FAM163A: variants seen among roughly 807,000 people sequenced by gnomAD.
FAM163A encodes protein FAM163A.
Under a neutral mutation model 12.0 loss-of-function variants are expected in FAM163A, and 7 were observed. The ratio of observed to expected loss-of-function variants is 0.58; its 90% CI spans 0.33 to 1.10. The LOEUF (loss-of-function observed/expected upper bound fraction) is 1.10. Among genes scored for constraint, FAM163A ranks in the 50% least tolerant of loss-of-function variants. FAM163A has a pLI of 0.03. For synonymous variants in FAM163A, 101 were observed against 91.0 expected, an observed-to-expected ratio of 1.11 and a Z score of -0.62; for missense variants, 202 against 218.6, an observed-to-expected ratio of 0.92 and a Z score of 0.48.
intron 1 of FAM163A, among the ~76,000 whole-genome samples, chr1:179,790,270 C>T (rs987393381): frequency 7.8e-6 from 1 of 127,836 alleles, no homozygotes; most frequent in African/African-American, 3.4e-5. Context: ...CTTGCCACTG[C>T]AAAACTAAGA....
At chr1:179,784,043 G>C (rs980835952) in intron 1 of FAM163A, among the ~76,000 whole-genome samples, 2 of 152,054 alleles carry the variant, frequency 1.3e-5, no homozygotes, top group African/African-American at 4.8e-5. Flanking sequence ...GATTCCTGCT[G>C]CCTCTGAGGC....
chr1:179,792,585 T>G (rs1691675436), intron 1 of FAM163A, among the ~76,000 whole-genome samples: 1 of 152,152 alleles, frequency 6.6e-6, no homozygotes, highest in Non-Finnish European at 1.5e-5. Context: ...GAGTTTTACA[T>G]AGGAAGACCT....
At chr1:179,744,289 C>G (rs1173554034) in intron 1 of FAM163A, among the ~76,000 whole-genome samples, 1 of 152,024 alleles carries the variant, frequency 6.6e-6, no homozygotes, top group Non-Finnish European at 1.5e-5. Context: ...CTCAAGGCGC[C>G]GGCCACACGG....
chr1:179,767,802 TC>T (rs1687712284), intron 1 of FAM163A, among the ~76,000 whole-genome samples: 1 of 151,998 alleles, frequency 6.6e-6, no homozygotes, highest in Admixed American at 6.6e-5. Flanking sequence ...GCCCTCTAAT[TC>T]CTATAGCCAG....
intron 1 of FAM163A, among the ~76,000 whole-genome samples, chr1:179,753,270 G>C (rs1246585554): frequency 6.6e-6 from 1 of 152,204 alleles, no homozygotes; most frequent in African/African-American, 2.4e-5. Flanking sequence ...AGTCACCACA[G>C]AAACAGAGAG....
the FAM163A span, among the ~76,000 whole-genome samples, chr1:179,730,618 A>T: frequency 0.012 from 1,825 of 152,300 alleles, 37 homozygotes; most frequent in African/African-American, 0.042. Flanking sequence ...GAAAATACTA[A>T]CTGCTCAGCT....
intron 1 of FAM163A, among the ~76,000 whole-genome samples, chr1:179,759,790 C>G (rs1331166812): frequency 6.6e-6 from 1 of 152,040 alleles, no homozygotes; most frequent in Non-Finnish European, 1.5e-5. Context: ...CCTCAGCCTC[C>G]CGAGTAGCTG....
At chr1:179,781,933 C>CAAA (rs58962319) in intron 1 of FAM163A, among the ~76,000 whole-genome samples, 37 of 119,388 alleles carry the variant, frequency 3.1e-4, no homozygotes, top group African/African-American at 6.5e-4. Context: ...GAATCCGTAT[C>CAAA]AAAAAAAAAA....
chr1:179,762,985 A>C (rs1017270689), intron 1 of FAM163A, among the ~76,000 whole-genome samples: 4 of 152,212 alleles, frequency 2.6e-5, no homozygotes, highest in East Asian at 3.8e-4. Context: ...ATTTGTCAAC[A>C]TGTATACTTC....
chr1:179,807,151 TG>T (rs1694053470), intron 1 of FAM163A, among the ~76,000 whole-genome samples: 1 of 150,780 alleles, frequency 6.6e-6, no homozygotes, highest in Non-Finnish European at 1.5e-5. Context: ...AATAAACAAA[TG>T]AAACAATGTA....
chr1:179,746,153 T>A (rs1397113045), intron 1 of FAM163A, among the ~76,000 whole-genome samples: 1 of 152,208 alleles, frequency 6.6e-6, no homozygotes, highest in Non-Finnish European at 1.5e-5. Context: ...TTTCATATAT[T>A]GCTGCTGGGA....
rs1434128609 is a variant in FAM163A, at chr1:179,813,062, G to C, written c.-22-14G>C. ...AGCCACAGCTGGTCCTCAGCCCTCC[G>C]CACATCTTTGCAGAGTTTGATGGGG... is the stretch of plus-strand genomic sequence containing the variant. On this transcript the variant is annotated splice_polypyrimidine_tract_variant and intron_variant, in intron 3 of 4. Coordinates refer to ENST00000341785, the MANE Select transcript of FAM163A (RefSeq NM_173509.3). The C allele has an allele frequency of 6.4e-7, 1 of 1,550,400 alleles. No homozygotes were observed. Among genetic ancestry groups the C allele is most frequent in the South Asian group, 1.2e-5 (1 of 84,036 alleles).
chr1:179,786,091 C>G (rs1690574935), intron 1 of FAM163A, among the ~76,000 whole-genome samples: 1 of 151,804 alleles, frequency 6.6e-6, no homozygotes, highest in African/African-American at 2.4e-5. Flanking sequence ...ACTCCCTTGC[C>G]AAAAAGGGGC....
intron 2 of FAM163A, among the ~76,000 whole-genome samples, chr1:179,808,488 T>A (rs1290684102): frequency 1.3e-5 from 2 of 152,196 alleles, no homozygotes; most frequent in Non-Finnish European, 2.9e-5. Flanking sequence ...GCTGTTCAGT[T>A]CCTTTTGGGA....
chr1:179,752,335 CTG>C (rs1685392763), intron 1 of FAM163A, among the ~76,000 whole-genome samples: 1 of 152,070 alleles, frequency 6.6e-6, no homozygotes, highest in South Asian at 2.1e-4. Context: ...AGAACTGAAA[CTG>C]TAAAACTTTC....
chr1:179,734,308 G>A, the FAM163A span, among the ~76,000 whole-genome samples: 1 of 152,184 alleles, frequency 6.6e-6, no homozygotes, highest in East Asian at 1.9e-4. Context: ...AGAGAAAGCT[G>A]TCATCTTAAT....
chr1:179,770,693 G>A (rs1469933712), intron 1 of FAM163A, among the ~76,000 whole-genome samples: 1 of 151,972 alleles, frequency 6.6e-6, no homozygotes, highest in African/African-American at 2.4e-5. Flanking sequence ...CCTTGGTCTG[G>A]ATGACTTGCG....
At chr1:179,756,582 A>G (rs916464144) in intron 1 of FAM163A, among the ~76,000 whole-genome samples, 1 of 152,252 alleles carries the variant, frequency 6.6e-6, no homozygotes, top group Non-Finnish European at 1.5e-5. Flanking sequence ...CCTTTGGGAT[A>G]TCTAAGAATA....
At chr1:179,755,136 CA>C (rs35201060) in intron 1 of FAM163A, among the ~76,000 whole-genome samples, 213 of 109,376 alleles carry the variant, frequency 1.9e-3, no homozygotes, top group Middle Eastern at 5.4e-3. Flanking sequence ...GACTCTGCCT[CA>C]AAAAAAAAAA....
Sources: allele counts gnomAD v4.1 joint callset (sites outside exome capture counted in the v4.1 genomes callset), GRCh38; gene constraint gnomAD v4.1.1; transcripts MANE v1.5; gene names NCBI Gene and HGNC (gene_info 2026-07-23, HGNC 2026-07-21).